Variants in RASGRF1 observed in about 807,000 individuals in gnomAD.
RASGRF1 encodes the protein ras-specific guanine nucleotide-releasing factor 1.
RASGRF1 carries 40 observed loss-of-function variants against 138.7 expected under a neutral mutation model. The observed-to-expected ratio is 0.29, with a 90% CI of 0.22 to 0.38. RASGRF1 has a LOEUF of 0.38. RASGRF1 is among the 10% of genes least tolerant of loss of function. The probability of loss-of-function intolerance (pLI) is 1.00; values close to 1 mark genes in which losing one functional copy is unlikely to be tolerated. For synonymous variants in RASGRF1, 614 were observed against 663.2 expected (o/e 0.93, Z 1.14); for missense variants, 1,108 against 1,650.4 (o/e 0.67, Z 5.69).
Position 78,962,413 on chromosome 15 carries a change from G to A in RASGRF1, c.3682-177C>T, listed in dbSNP as rs141445837. Reference sequence around the variant, plus strand: ...TTGACATAAGTTTTAAGCAGTCGACGTAAGTATTGTCTTAGGATTATTATT... The same window carrying A: ...TTGACATAAGTTTTAAGCAGTCGACATAAGTATTGTCTTAGGATTATTATT... On this transcript the variant is annotated intron_variant, in intron 26 of 26. Coordinates refer to ENST00000558480, the MANE Select transcript of RASGRF1 (RefSeq NM_001145648.3). 3.5e-3 allele frequency among the ~76,000 whole-genome samples: 535 copies of A among 152,262 alleles called. 5 individuals carry two copies. Among genetic ancestry groups the A allele is most frequent in the African/African-American group, 0.011 (455 of 41,540 alleles).
intron 26 of RASGRF1, among the ~76,000 whole-genome samples, chr15:78,964,543 A>C (rs1270232388): frequency 6.6e-6 from 1 of 152,182 alleles, no homozygotes; most frequent in Non-Finnish European, 1.5e-5. Flanking sequence ...GAAAACCCTG[A>C]AATTTTCTTG....
intron 1 of RASGRF1, among the ~76,000 whole-genome samples, chr15:79,079,501 A>C (rs2057885207): frequency 6.6e-6 from 1 of 151,818 alleles, no homozygotes; most frequent in Non-Finnish European, 1.5e-5. Context: ...ATGGAATACT[A>C]TAGAGCCACA....
Position 79,027,595 on chromosome 15 carries a change from A to G in RASGRF1, c.1381+146T>C. 1.5e-6 allele frequency: 1 copy of G among 672,012 alleles called. No homozygotes were observed. Among genetic ancestry groups the G allele is most frequent in the East Asian group, 2.6e-5 (1 of 37,966 alleles). 41.6% of individuals were successfully genotyped at this position (672,012 alleles called of 1,614,324 possible). A position where few individuals can be genotyped will look rare whatever the true frequency, so the allele number is the denominator to read the frequency against. On this transcript the variant is annotated intron_variant, in intron 9 of 26. Coordinates refer to ENST00000558480, the MANE Select transcript of RASGRF1 (RefSeq NM_001145648.3). This position sits in a 1 kb window ranked among gnomAD's most constrained non-coding sequence, Gnocchi z 4.8. ...CTACATATAGCTGTTGCATTCCGCC[A>G]GCAGCCTGGGAATATTCTGCAATCA... is the stretch of plus-strand genomic sequence containing the variant.
chr15:79,072,299 G>A (rs371600166), intron 1 of RASGRF1, among the ~76,000 whole-genome samples: 4 of 55,908 alleles, frequency 7.2e-5, no homozygotes, highest in East Asian at 1.1e-3. Context: ...TTTTTGAGAC[G>A]CAGTCTCACT....
In RASGRF1 at chr15:79,027,272, A is replaced by G. The variant is rs1384723476; in HGVS notation, c.1381+469T>C. Among the ~76,000 whole-genome samples the G allele has an allele frequency of 2.0e-5, 3 of 152,164 alleles. No individual in the cohort carries two copies. Among genetic ancestry groups the G allele is most frequent in the African/African-American group, 4.8e-5 (2 of 41,438 alleles). Reference sequence around the variant, plus strand: ...GAAGCTTGGGAAAGACCTTCTACCCATGAGAACCACTGTGAAAATGGTCTC... The same window carrying G: ...GAAGCTTGGGAAAGACCTTCTACCCGTGAGAACCACTGTGAAAATGGTCTC... On this transcript the variant is annotated intron_variant, in intron 9 of 26. Coordinates refer to ENST00000558480, the MANE Select transcript of RASGRF1 (RefSeq NM_001145648.3). This position sits in a 1 kb window ranked among gnomAD's most constrained non-coding sequence, Gnocchi z 4.8.
At chr15:79,039,744 T>C (rs967204) in intron 5 of RASGRF1, among the ~76,000 whole-genome samples, 74,787 of 151,942 alleles carry the variant, frequency 0.49, 18,870 homozygotes, top group East Asian at 0.73. Flanking sequence ...TTCTAAGTGG[T>C]TGCTGTAGAT....
chr15:79,035,128 C>T lies in RASGRF1; in HGVS notation c.958+3G>A, dbSNP rs1207273232. The T allele has an allele frequency of 6.2e-7, 1 of 1,610,996 alleles. No individual in the cohort carries two copies. Among genetic ancestry groups the T allele is most frequent in the South Asian group, 1.1e-5 (1 of 90,766 alleles). ...GGGGCCGCAGTGAGGGCTGACTACT[C>T]ACCCAGGACCAGCGTGGGCCAGCTG... On this transcript the variant is annotated splice_donor_region_variant and intron_variant, in intron 6 of 26. Transcript: ENST00000558480.
At chr15:79,017,050 A>G (rs977153823) in intron 12 of RASGRF1, among the ~76,000 whole-genome samples, 6 of 152,146 alleles carry the variant, frequency 3.9e-5, no homozygotes. Context: ...GGGCTCAGGG[A>G]GGGGCCTGTC....
At chr15:79,048,607 T>C (rs1034664479) in intron 4 of RASGRF1, among the ~76,000 whole-genome samples, 2 of 152,226 alleles carry the variant, frequency 1.3e-5, no homozygotes, top group African/African-American at 4.8e-5. Context: ...CTATTTCTAT[T>C]CTTGAGAAAC....
chr15:78,979,093 C>T (rs1342263491), intron 24 of RASGRF1: 2 of 1,289,976 alleles, frequency 1.6e-6, no homozygotes, highest in Non-Finnish European at 2.0e-6. Flanking sequence ...GACGGACGGA[C>T]AAGTTGGTGA....
chr15:79,074,189 T>G (rs2057800095), intron 1 of RASGRF1, among the ~76,000 whole-genome samples: 1 of 152,222 alleles, frequency 6.6e-6, no homozygotes, highest in Non-Finnish European at 1.5e-5. Context: ...TGAATCAGGA[T>G]CCCTAGGGGT....
At chr15:79,049,011 A>G (rs74538163) in intron 4 of RASGRF1, among the ~76,000 whole-genome samples, 2,062 of 152,214 alleles carry the variant, frequency 0.014, 64 homozygotes, top group African/African-American at 0.047. Context: ...CTGAACTCTA[A>G]TAGGGTAAAA....
In RASGRF1 at chr15:78,991,678, C is replaced by T. The variant is rs2141660370; in HGVS notation, c.3131+13G>A. 6.2e-7 allele frequency: 1 copy of T among 1,607,362 alleles called. No homozygotes were observed. Among genetic ancestry groups the T allele is most frequent in the Non-Finnish European group, 8.5e-7 (1 of 1,173,888 alleles). ...GGAAGCGGGGGGAGGCGGGTGGTGCCTGCAACACTTACTCATAAGGAATCT... is the reference window on the plus strand; with the variant it reads ...GGAAGCGGGGGGAGGCGGGTGGTGCTTGCAACACTTACTCATAAGGAATCT... On this transcript the variant is annotated intron_variant, in intron 21 of 26. Transcript: ENST00000558480.
At chr15:78,998,071 G>A (rs2056434404) in intron 19 of RASGRF1, 25 bp downstream of exon 19, 2 of 1,590,600 alleles carry the variant, frequency 1.3e-6, no homozygotes, top group Non-Finnish European at 1.7e-6. Context: ...GCAGTTCTGA[G>A]CCAGGAACCA....
rs2056678103 is a variant in RASGRF1, at chr15:79,006,526, A to G, written c.1827-92T>C. 1.4e-6 allele frequency: 2 copies of G among 1,432,096 alleles called. No homozygotes were observed. The highest frequency in any genetic ancestry group is 1.4e-5 in the African/African-American group (1 of 71,544). 88.7% of individuals were successfully genotyped at this position (1,432,096 alleles called of 1,614,324 possible). ...CTGCTCATCACTGCTTCCCCCACACACTGACAACACAGGATGGTCTTATTA... is the reference window on the plus strand; with the variant it reads ...CTGCTCATCACTGCTTCCCCCACACGCTGACAACACAGGATGGTCTTATTA... On this transcript the variant is annotated intron_variant, in intron 13 of 26. Coordinates refer to ENST00000558480, the MANE Select transcript of RASGRF1 (RefSeq NM_001145648.3). This position sits in a 1 kb window ranked among gnomAD's most constrained non-coding sequence, Gnocchi z 4.0.
chr15:79,021,113 C>G (rs1226108827), intron 10 of RASGRF1, among the ~76,000 whole-genome samples: 2 of 152,238 alleles, frequency 1.3e-5, no homozygotes, highest in Non-Finnish European at 2.9e-5. Context: ...GCAGCCCCAG[C>G]TGACATCTTG....
At chr15:79,059,991 GACAC>G (rs941037876) in intron 2 of RASGRF1, among the ~76,000 whole-genome samples, 1,470 of 31,518 alleles carry the variant, frequency 0.047, 12 homozygotes, top group Middle Eastern at 0.096. Context: ...CAGACACACA[GACAC>G]ACACACACAC....
Position 79,032,195 on chromosome 15 carries a change from C to T in RASGRF1, c.1080G>A (p.Leu360=). The T allele has an allele frequency of 6.2e-7, 1 of 1,614,112 alleles. No individual in the cohort carries two copies. Among genetic ancestry groups the T allele is most frequent in the Non-Finnish European group, 8.5e-7 (1 of 1,179,978 alleles). Residue 360 remains leucine (L), a synonymous_variant, in exon 7 of 27, where the codon CTG becomes CTA. Coordinates refer to ENST00000558480, the MANE Select transcript of RASGRF1 (RefSeq NM_001145648.3). This position sits in a 1 kb window ranked among gnomAD's most constrained non-coding sequence, Gnocchi z 4.5. ...CKQNRDFDKL[L]KHYEAKPDCE... ...AGTCAGGCTTGGCCTCGTAGTGCTT[C>T]AGCAGCTTGTCGAAGTCACGGTTCT...
chr15:79,005,322 G>A, intron 14 of RASGRF1: 1 of 985,588 alleles, frequency 1.0e-6, no homozygotes, highest in Non-Finnish European at 1.2e-6. Context: ...GAGCCAGTGT[G>A]ATTCAGGAGC....
Sources: gnomAD v4.1 joint callset for allele counts (sites outside exome capture counted in the v4.1 genomes callset) on GRCh38, gnomAD v4.1.1 for gene constraint, Gnocchi (gnomAD v3.1) non-coding constraint, MANE v1.5 for transcripts, NCBI Gene and HGNC (gene_info 2026-07-23, HGNC 2026-07-21) for gene names.